WDR41: variants seen among roughly 807,000 people sequenced by gnomAD.
WDR41 encodes WD repeat domain 41.
Under a neutral mutation model 69.3 loss-of-function variants are expected in WDR41, and 63 were observed. The ratio of observed to expected loss-of-function variants is 0.91; its 90% confidence interval spans 0.74 to 1.12. The LOEUF is 1.12. Ranked by LOEUF, WDR41 falls within the 50% of genes most tolerant of loss-of-function variation. The probability of loss-of-function intolerance (pLI) is 0.00; values close to 1 mark genes in which losing one functional copy is unlikely to be tolerated. For synonymous variants in WDR41, 185 were observed against 192.1 expected (o/e 0.96, Z 0.31); for missense variants, 543 against 534.5 (o/e 1.02, Z -0.16).
At chr5:77,602,625 T>C (rs575398980) in intron 1 of WDR41, among the ~76,000 whole-genome samples, 16 of 152,314 alleles carry the variant, frequency 1.1e-4, no homozygotes, top group Admixed American at 9.2e-4. Flanking sequence ...TGTGTACATA[T>C]AGCACATTTT....
intron 1 of WDR41, among the ~76,000 whole-genome samples, chr5:77,601,198 G>T (rs1470503678): frequency 6.6e-6 from 1 of 152,100 alleles, no homozygotes; most frequent in African/African-American, 2.4e-5. Flanking sequence ...GGTGAGAATA[G>T]TACTATTGCC....
intron 2 of WDR41, among the ~76,000 whole-genome samples, chr5:77,474,143 G>A (rs992444614): frequency 2.0e-4 from 31 of 152,226 alleles, no homozygotes; most frequent in South Asian, 6.2e-4. Context: ...TAGGGACATG[G>A]ATGAAGCTGG....
intron 9 of WDR41, among the ~76,000 whole-genome samples, chr5:77,440,260 G>C (rs2151290651): frequency 6.6e-6 from 1 of 152,280 alleles, no homozygotes; most frequent in Admixed American, 6.5e-5. Flanking sequence ...CTGAGCCCCT[G>C]ATGCTAAGAG....
chr5:77,437,445 TA>T (rs1461852297), intron 10 of WDR41, 21 bp from the exon 11 acceptor site: 3 of 1,606,888 alleles, frequency 1.9e-6, no homozygotes, highest in Non-Finnish European at 2.6e-6. Context: ...AGAAAATCAG[TA>T]ATACAAAAAG....
intron 1 of WDR41, among the ~76,000 whole-genome samples, chr5:77,607,644 A>G (rs1744448242): frequency 6.6e-6 from 1 of 152,234 alleles, no homozygotes; most frequent in African/African-American, 2.4e-5. Flanking sequence ...GTTTAAACAC[A>G]TTTAAGGTGT....
chr5:77,586,517 G>C (rs1447456610), intron 1 of WDR41, among the ~76,000 whole-genome samples: 1 of 152,006 alleles, frequency 6.6e-6, no homozygotes, highest in East Asian at 1.9e-4. Flanking sequence ...ATGTTGCCAG[G>C]CTGGTCTTGA....
chr5:77,483,109 T>C (rs1801354684), intron 2 of WDR41, among the ~76,000 whole-genome samples: 1 of 152,166 alleles, frequency 6.6e-6, no homozygotes, highest in African/African-American at 2.4e-5. Flanking sequence ...ACAAATTTCT[T>C]GTTCTGCTAA....
chr5:77,586,695 T>A (rs1286148101), intron 1 of WDR41, among the ~76,000 whole-genome samples: 1 of 144,110 alleles, frequency 6.9e-6, no homozygotes, highest in Non-Finnish European at 1.5e-5. Flanking sequence ...TGAAATCAAA[T>A]TTTTTTTTTT....
intron 2 of WDR41, among the ~76,000 whole-genome samples, chr5:77,469,524 A>ACC (rs1294771391): frequency 2.0e-5 from 3 of 152,212 alleles, no homozygotes; most frequent in African/African-American, 7.2e-5. Context: ...ACTCTTTGGT[A>ACC]AGACCATTTC....
At chr5:77,609,804 G>A (rs545531164) in intron 1 of WDR41, among the ~76,000 whole-genome samples, 8 of 152,006 alleles carry the variant, frequency 5.3e-5, no homozygotes, top group Admixed American at 2.0e-4. Flanking sequence ...AAAGCTGGAC[G>A]GAGAATGACT....
chr5:77,516,803 G>A (rs901531110), intron 1 of WDR41, among the ~76,000 whole-genome samples: 1 of 152,122 alleles, frequency 6.6e-6, no homozygotes, highest in African/African-American at 2.4e-5. Flanking sequence ...TGGATCACGA[G>A]GTCAGGAGAT....
intron 1 of WDR41, among the ~76,000 whole-genome samples, chr5:77,575,098 G>A (rs1389841926): frequency 6.6e-6 from 1 of 152,126 alleles, no homozygotes; most frequent in Non-Finnish European, 1.5e-5. Flanking sequence ...ATATAGGAAT[G>A]ATTTTGTCAC....
chr5:77,587,913 G>A (rs1744070245), intron 1 of WDR41, among the ~76,000 whole-genome samples: 1 of 152,134 alleles, frequency 6.6e-6, no homozygotes, highest in Non-Finnish European at 1.5e-5. Flanking sequence ...AAGGAGAAAG[G>A]CTTCAGAGGA....
At chr5:77,549,527 AC>A (rs869166614) in intron 1 of WDR41, among the ~76,000 whole-genome samples, 1 of 152,030 alleles carries the variant, frequency 6.6e-6, no homozygotes, top group Non-Finnish European at 1.5e-5. Flanking sequence ...CAAAAAAAAC[AC>A]CCCCAAAAAA....
chr5:77,459,793 T>C (rs1581718219), intron 4 of WDR41, among the ~76,000 whole-genome samples: 1 of 152,250 alleles, frequency 6.6e-6, no homozygotes, highest in East Asian at 1.9e-4. Flanking sequence ...TTGAAACTAA[T>C]TTCACAAACT....
intron 8 of WDR41, among the ~76,000 whole-genome samples, chr5:77,449,055 T>C (rs1799517429): frequency 1.3e-5 from 2 of 152,120 alleles, no homozygotes; most frequent in African/African-American, 2.4e-5. Context: ...CTCATGTGAC[T>C]TCATACACAG....
At chr5:77,492,441 C>T, upstream of WDR41, 1 of 497,392 alleles carries the variant, frequency 2.0e-6, no homozygotes, top group Non-Finnish European at 3.3e-6. Context: ...TTTGGGCAGT[C>T]GCTTGGGGTG....
At chr5:77,440,577 A>G (rs750268906) in intron 9 of WDR41, among the ~76,000 whole-genome samples, 2 of 152,190 alleles carry the variant, frequency 1.3e-5, no homozygotes, top group Non-Finnish European at 2.9e-5. Context: ...CCAACCCAAA[A>G]TTTCAATAAT....
chr5:77,480,375 G>A (rs915549274), intron 2 of WDR41, among the ~76,000 whole-genome samples: 6 of 152,094 alleles, frequency 3.9e-5, no homozygotes, highest in African/African-American at 7.2e-5. Flanking sequence ...ACATGCATAC[G>A]TATGTTTATT....
Sources: gnomAD v4.1 joint callset for allele counts (sites outside exome capture counted in the v4.1 genomes callset) on GRCh38, gnomAD v4.1.1 for gene constraint, MANE v1.5 for transcripts, NCBI Gene and HGNC (gene_info 2026-07-23, HGNC 2026-07-21) for gene names.